The following RORA variants were observed in gnomAD, a reference collection of about 807,000 sequenced individuals.
RORA encodes RAR related orphan receptor A, also known as nuclear receptor ROR-alpha.
In RORA, 7 loss-of-function variants were observed where a neutral mutation model predicts 69.5. That is an observed-to-expected ratio of 0.10 (90% CI 0.06 to 0.19). The LOEUF (loss-of-function observed/expected upper bound fraction) is 0.19, where lower values mean the gene tolerates loss of function less well. Among genes scored for constraint, RORA ranks in the 10% least tolerant of loss-of-function variants. RORA has a pLI of 1.00. For synonymous variants in RORA, 261 were observed against 240.8 expected (o/e 1.08, Z -0.78); for missense variants, 457 against 663.0 (o/e 0.69, Z 3.41).
At chr15:60,524,243 A>G (rs988146708) in intron 3 of RORA, among the ~76,000 whole-genome samples, 2 of 152,074 alleles carry the variant, frequency 1.3e-5, no homozygotes, top group African/African-American at 4.8e-5. Flanking sequence ...TTATTATACA[A>G]CCTTCCAATT....
intron 1 of RORA, among the ~76,000 whole-genome samples, chr15:60,733,529 T>C (rs2071456518): frequency 6.6e-6 from 1 of 152,162 alleles, no homozygotes; most frequent in South Asian, 2.1e-4. Context: ...CAAATATTAA[T>C]GTTGTCAATA....
At chr15:61,057,956 A>C (rs2078118660) in intron 1 of RORA, among the ~76,000 whole-genome samples, 1 of 152,184 alleles carries the variant, frequency 6.6e-6, no homozygotes, top group Non-Finnish European at 1.5e-5. Context: ...TCAGCAAAAG[A>C]TCCTGTGGGA....
At chr15:60,924,367 A>G in intron 1 of RORA, among the ~76,000 whole-genome samples, 1 of 62,476 alleles carries the variant, frequency 1.6e-5, no homozygotes. Flanking sequence ...TGCCGCTAAT[A>G]TACGCTTATA....
chr15:60,899,232 TA>T (rs1246508651), intron 1 of RORA, among the ~76,000 whole-genome samples: 1 of 152,228 alleles, frequency 6.6e-6, no homozygotes, highest in Non-Finnish European at 1.5e-5. Context: ...CTCATAGAAG[TA>T]ACTGCATATA....
At chr15:60,789,876 A>G (rs1413541683) in intron 1 of RORA, among the ~76,000 whole-genome samples, 2 of 152,238 alleles carry the variant, frequency 1.3e-5, no homozygotes, top group East Asian at 3.8e-4. Context: ...CATGAATTAA[A>G]TGAATAAAGA....
intron 1 of RORA, among the ~76,000 whole-genome samples, chr15:61,060,888 A>G (rs2078174348): frequency 1.3e-5 from 2 of 152,362 alleles, no homozygotes; most frequent in African/African-American, 4.8e-5. Context: ...AAAGTTTACG[A>G]ATTTGCACTG....
chr15:60,618,999 C>T (rs1410220907), intron 2 of RORA, among the ~76,000 whole-genome samples: 1 of 152,200 alleles, frequency 6.6e-6, no homozygotes, highest in Non-Finnish European at 1.5e-5. Context: ...GGTATTCTCA[C>T]AGGGAATACT....
At chr15:60,814,836 G>A (rs923237179) in intron 1 of RORA, among the ~76,000 whole-genome samples, 6 of 152,148 alleles carry the variant, frequency 3.9e-5, no homozygotes, top group African/African-American at 1.4e-4. Context: ...GAGAAATAAA[G>A]GGCACATGTA....
Position 61,229,162 on chromosome 15 carries a change from G to T in RORA, c.57C>A (p.Gly19=). The part of the protein sequence containing the change: ...DPAASEPGSS[G]ADAAAGSRET... ...CCCTGGAGCCGGCGGCCGCGTCCGCGCCGCTGCTGCCTGGCTCGCTGGCGG... is the reference window on the plus strand; with the variant it reads ...CCCTGGAGCCGGCGGCCGCGTCCGCTCCGCTGCTGCCTGGCTCGCTGGCGG... Residue 19 remains glycine (G), a synonymous_variant, in exon 1 of 11, where the codon GGC becomes GGA. Transcript: ENST00000335670. 6.5e-7 allele frequency: 1 copy of T among 1,549,640 alleles called. No homozygotes were observed. The highest frequency in any genetic ancestry group is 8.7e-7 in the Non-Finnish European group (1 of 1,148,192).
rs1225132645 is a variant in RORA, at chr15:60,878,441, G to A, written c.167-199755C>T. Among the ~76,000 whole-genome samples, 3 of 151,910 alleles carry A rather than the reference G, an allele frequency of 2.0e-5. No individual in the cohort carries two copies. In the East Asian group the frequency reaches 5.8e-4, roughly 29 times the overall value. ...CTCACCCTCTGGGGACACAGAGAGAGCTACAAATTTGGCATTACCCAGTTG... is the reference window on the plus strand; with the variant it reads ...CTCACCCTCTGGGGACACAGAGAGAACTACAAATTTGGCATTACCCAGTTG... On this transcript the variant is annotated intron_variant, in intron 1 of 10. Transcript: ENST00000335670.
At chr15:61,205,352 C>T (rs1385745796) in intron 1 of RORA, among the ~76,000 whole-genome samples, 1 of 152,194 alleles carries the variant, frequency 6.6e-6, no homozygotes, top group East Asian at 1.9e-4. Flanking sequence ...GTTCAAGGGT[C>T]CTGCCGTGTC....
intron 1 of RORA, among the ~76,000 whole-genome samples, chr15:60,702,498 C>G (rs965573842): frequency 6.6e-6 from 1 of 152,180 alleles, no homozygotes; most frequent in Non-Finnish European, 1.5e-5. Context: ...TCCCAAAGTG[C>G]TGGGATTACA....
chr15:61,019,996 C>A (rs529000728), intron 1 of RORA, among the ~76,000 whole-genome samples: 2 of 152,198 alleles, frequency 1.3e-5, no homozygotes, highest in African/African-American at 4.8e-5. Flanking sequence ...CAGCATTAAC[C>A]ACTGAAGGAA....
intron 1 of RORA, among the ~76,000 whole-genome samples, chr15:61,156,745 G>C (rs1176578467): frequency 5.3e-5 from 8 of 152,200 alleles, no homozygotes; most frequent in Admixed American, 5.2e-4. Flanking sequence ...CATGTTATAA[G>C]AGATGTTAAA....
chr15:60,954,114 A>G, intron 1 of RORA, among the ~76,000 whole-genome samples: 1 of 147,834 alleles, frequency 6.8e-6, no homozygotes, highest in Non-Finnish European at 1.5e-5. Flanking sequence ...ATGCAGCCAT[A>G]AAAAATGATG....
chr15:61,143,888 T>C (rs552207425), intron 1 of RORA, among the ~76,000 whole-genome samples: 8 of 152,000 alleles, frequency 5.3e-5, no homozygotes, highest in Non-Finnish European at 1.0e-4. Flanking sequence ...AAAAACCAAA[T>C]GCTATCAATC....
At chr15:60,843,710 C>T (rs1308138290) in intron 1 of RORA, among the ~76,000 whole-genome samples, 2 of 152,192 alleles carry the variant, frequency 1.3e-5, no homozygotes, top group Non-Finnish European at 2.9e-5. Flanking sequence ...AAGCCAAAGG[C>T]TGAGTCAGAA....
intron 2 of RORA, among the ~76,000 whole-genome samples, chr15:60,539,600 A>G (rs1418892002): frequency 6.6e-6 from 1 of 152,220 alleles, no homozygotes; most frequent in Non-Finnish European, 1.5e-5. Context: ...ACCTTGAGTG[A>G]AAGACCTGAA....
Position 60,603,925 on chromosome 15 carries a change from G to A in RORA, c.197-72074C>T, listed in dbSNP as rs529201511. On this transcript the variant is annotated intron_variant, in intron 2 of 10. Transcript: ENST00000335670. ...TGAGGTGGGTGGATCACCTGAGGTC[G>A]GGAGTTTGAGACCAGCCCGGCCAAC... 7.9e-5 allele frequency among the ~76,000 whole-genome samples: 12 copies of A among 151,948 alleles called. No individual in the cohort carries two copies. In the South Asian group the frequency reaches 1.5e-3, roughly 18 times the overall value.
Sources: allele counts gnomAD v4.1 joint callset (sites outside exome capture counted in the v4.1 genomes callset), GRCh38; gene constraint gnomAD v4.1.1; transcripts MANE v1.5; gene names NCBI Gene and HGNC (gene_info 2026-07-23, HGNC 2026-07-21).